The following SLC12A9 variants were observed in gnomAD, a reference collection of about 807,000 sequenced individuals.
SLC12A9 encodes CCC-interacting protein 1.
Under a neutral mutation model 66.0 loss-of-function variants are expected in SLC12A9, and 55 were observed. That is an observed-to-expected ratio of 0.83 (90% CI 0.67 to 1.04). The LOEUF (loss-of-function observed/expected upper bound fraction) is 1.04. Ranked by LOEUF, SLC12A9 falls within the 50% of genes least tolerant of loss-of-function variation. The pLI, the probability that SLC12A9 is intolerant of heterozygous loss-of-function variation, is 0.00. For missense variants in SLC12A9, 1,061 were observed against 1,241.9 expected (o/e 0.85, Z 2.19); for synonymous variants, 577 against 569.0 (o/e 1.01, Z -0.20).
rs369929139 is a variant in SLC12A9 at position 100,865,993 on chromosome 7, G to A, written c.2133G>A (p.Leu711=). 1.2e-6 allele frequency: 2 copies of A among 1,612,618 alleles called. No homozygotes were observed. Among genetic ancestry groups the A allele is most frequent in the African/African-American group, 2.7e-5 (2 of 74,946 alleles). Residue 711 remains leucine (L), a synonymous_variant, in exon 14 of 14, where the codon CTG becomes CTA. Coordinates refer to ENST00000354161, the MANE Select transcript of SLC12A9 (RefSeq NM_020246.4). ...GCGGGGCCTTGCCCCCTGAGCGGCTGAGCCGGGGGTCTGGGGGCACCTCTC... is the reference window on the plus strand; with the variant it reads ...GCGGGGCCTTGCCCCCTGAGCGGCTAAGCCGGGGGTCTGGGGGCACCTCTC... The part of the protein sequence containing the change: ...RASGALPPER[L]SRGSGGTSQL...
At chr7:100,848,512 AAATAAATAAATAAAT>A (rs1437507093), upstream of SLC12A9, among the ~76,000 whole-genome samples, 1 of 150,684 alleles carries the variant, frequency 6.6e-6, no homozygotes, top group Non-Finnish European at 1.5e-5. Context: ...ATAAATAAAT[AAATAAATAAATAAAT>A]AATAAATAAA....
chr7:100,829,425 G>T (rs1345099505), intron 1 of SLC12A9, among the ~76,000 whole-genome samples: 3 of 152,114 alleles, frequency 2.0e-5, no homozygotes, highest in African/African-American at 2.4e-5. Flanking sequence ...ATAACCTCTT[G>T]TCCCGGCTTA....
chr7:100,854,510 G>C (rs926457979), intron 2 of SLC12A9, 110 bp from the exon 3 acceptor site: 7 of 1,595,526 alleles, frequency 4.4e-6, no homozygotes, highest in Non-Finnish European at 6.0e-6. Flanking sequence ...GTTTGGGGAG[G>C]GGCTCTCTGT....
At chr7:100,859,328 A>G in intron 7 of SLC12A9, 167 bp downstream of exon 7, 1 of 645,272 alleles carries the variant, frequency 1.5e-6, no homozygotes, top group Non-Finnish European at 2.7e-6. Context: ...TGGACCCAGT[A>G]CTGTTGCAGG....
At position 100,866,559 on chromosome 7, in the gene SLC12A9, CG is replaced by C; in HGVS notation, c.2700del (p.Leu901CysfsTer23). The C allele has an allele frequency of 6.3e-7, 1 of 1,588,254 alleles. No individual in the cohort carries two copies. The highest frequency in any genetic ancestry group is 1.1e-5 in the South Asian group (1 of 87,146). ...LETLTRDLGP[T>X]LLVHGVTPVT... is the part of the protein sequence containing the mutation. ...ACTCTAACCCGAGACCTGGGCCCCACGCTGCTGGTTCATGGGGTCACTCCAG... is the reference window on the plus strand; with the variant it reads ...ACTCTAACCCGAGACCTGGGCCCCACCTGCTGGTTCATGGGGTCACTCCAG... On this transcript the variant is annotated frameshift_variant, in exon 14 of 14. Transcript: ENST00000354161. LOFTEE classifies it high-confidence loss of function. The surrounding 1 kb of genome is among the most constrained non-coding windows in gnomAD (Gnocchi z 7.3).
intron 1 of SLC12A9, among the ~76,000 whole-genome samples, chr7:100,839,824 C>T (rs1007213926): frequency 6.6e-5 from 10 of 152,030 alleles, no homozygotes; most frequent in African/African-American, 2.2e-4. Flanking sequence ...GGGCGGATGA[C>T]GAGGTCAGGA....
intron 1 of SLC12A9, among the ~76,000 whole-genome samples, chr7:100,829,993 A>T (rs1813511277): frequency 6.6e-6 from 1 of 151,896 alleles, no homozygotes; most frequent in South Asian, 2.1e-4. Flanking sequence ...GCACCACTGC[A>T]CTCCAGCCTG....
intron 9 of SLC12A9, chr7:100,860,563 G>A (rs761675370): frequency 1.3e-5 from 5 of 383,984 alleles, no homozygotes; most frequent in Non-Finnish European, 2.4e-5. Flanking sequence ...CCAGCACTTT[G>A]AGGGATTCAC....
chr7:100,862,599 C>G (rs1814825444), intron 12 of SLC12A9, 82 bp from the exon 13 acceptor site: 2 of 1,544,926 alleles, frequency 1.3e-6, no homozygotes, highest in Non-Finnish European at 1.8e-6. Flanking sequence ...TAGCCCTGCC[C>G]AGGCCCGTCT....
chr7:100,866,757 C>A lies in SLC12A9; in HGVS notation c.*152C>A, dbSNP rs1011181607. ...GTTTGAAGGGGATCCTGGGCTTGGG[C>A]ATCACGCCCACCTCCTTTGGCAGAG... On this transcript the variant is annotated 3_prime_UTR_variant, in exon 14 of 14. Transcript: ENST00000354161. This position sits in a 1 kb window ranked among gnomAD's most constrained non-coding sequence, Gnocchi z 7.3. 2 of 787,184 alleles carry A rather than the reference C, an allele frequency of 2.5e-6. No individual in the cohort carries two copies. Among genetic ancestry groups the A allele is most frequent in the Non-Finnish European group, 3.8e-6 (2 of 529,376 alleles). 48.8% of individuals were successfully genotyped at this position (787,184 alleles called of 1,614,324 possible).
chr7:100,834,015 G>T (rs1813594914), intron 1 of SLC12A9, among the ~76,000 whole-genome samples: 1 of 150,986 alleles, frequency 6.6e-6, no homozygotes, highest in Non-Finnish European at 1.5e-5. Flanking sequence ...TACCTTCCAG[G>T]ATTAGACAAG....
chr7:100,848,615 A>C (rs117450257), upstream of SLC12A9, among the ~76,000 whole-genome samples: 1 of 152,106 alleles, frequency 6.6e-6, no homozygotes, highest in Non-Finnish European at 1.5e-5. Flanking sequence ...GGTTGGGCGC[A>C]GTGGTTCACG....
chr7:100,834,769 G>A lies in SLC12A9; in HGVS notation n.228+7722G>A, dbSNP rs534900123. Among the ~76,000 whole-genome samples the A allele has an allele frequency of 5.9e-5, 9 of 152,138 alleles. No homozygotes were observed. In the South Asian group the frequency reaches 8.3e-4, roughly 14 times the overall value. On this transcript the variant is annotated intron_variant and non_coding_transcript_variant, in intron 1 of 1. Transcript: ENST00000461016. ...ACGCCTGTGGTCCCAGCTGTTCGGG[G>A]GGCTGAGGTGAGAGGATCACCCGAG...
At chr7:100,863,305 A>G (rs575759579) in intron 13 of SLC12A9, among the ~76,000 whole-genome samples, 122 of 151,952 alleles carry the variant, frequency 8.0e-4, no homozygotes, top group African/African-American at 2.9e-3. Flanking sequence ...ACCTCAGGTG[A>G]TCTACCCGCC....
In SLC12A9 at chr7:100,861,987, C is replaced by G; in HGVS notation, c.1711+76C>G. 3 of 1,419,260 alleles carry G rather than the reference C, an allele frequency of 2.1e-6. No individual in the cohort carries two copies. The highest frequency in any genetic ancestry group is 2.8e-6 in the Non-Finnish European group (3 of 1,067,906). 87.9% of individuals were successfully genotyped at this position (1,419,260 alleles called of 1,614,324 possible). A position where few individuals can be genotyped will look rare whatever the true frequency, so the allele number is the denominator to read the frequency against. ...CCTTTTTTTTTTTTTTGAGATGGAG[C>G]TTCGTTCTGTTGCCCAGGCTGGAGT... On this transcript the variant is annotated intron_variant, in intron 12 of 13. Coordinates refer to ENST00000354161, the MANE Select transcript of SLC12A9 (RefSeq NM_020246.4). This position sits in a 1 kb window ranked among gnomAD's most constrained non-coding sequence, Gnocchi z 5.3.
intron 1 of SLC12A9, among the ~76,000 whole-genome samples, chr7:100,830,215 G>A (rs1455770672): frequency 1.3e-5 from 2 of 151,576 alleles, no homozygotes; most frequent in Non-Finnish European, 2.9e-5. Flanking sequence ...AGCCAGGTGT[G>A]GTGGTGCAGG....
intron 1 of SLC12A9, among the ~76,000 whole-genome samples, chr7:100,832,921 G>GTGTGCCACCA (rs1813569931): frequency 6.6e-6 from 1 of 151,830 alleles, no homozygotes; most frequent in Non-Finnish European, 1.5e-5. Flanking sequence ...GACTACAGGC[G>GTGTGCCACCA]TGTGCCACCA....
chr7:100,866,539 A>C lies in SLC12A9; in HGVS notation c.2679A>C (p.Leu893=), dbSNP rs776476854. The C allele has an allele frequency of 2.5e-6, 4 of 1,584,314 alleles. No individual in the cohort carries two copies. In the East Asian group the frequency reaches 9.1e-5, roughly 36 times the overall value. ...YPRYLALLET[L]TRDLGPTLLV... ...GCTACCTGGCGCTACTGGAGACTCTAACCCGAGACCTGGGCCCCACGCTGC... is the reference window on the plus strand; with the variant it reads ...GCTACCTGGCGCTACTGGAGACTCTCACCCGAGACCTGGGCCCCACGCTGC... The change falls in exon 14 of 14, where the codon CTA becomes CTC. Residue 893 remains leucine (L), a synonymous_variant. Coordinates refer to ENST00000354161, the MANE Select transcript of SLC12A9 (RefSeq NM_020246.4). The surrounding 1 kb of genome is among the most constrained non-coding windows in gnomAD (Gnocchi z 7.3).
intron 1 of SLC12A9, among the ~76,000 whole-genome samples, chr7:100,843,200 C>T (rs1219183246): frequency 2.6e-5 from 4 of 152,174 alleles, no homozygotes; most frequent in African/African-American, 9.7e-5. Flanking sequence ...ATTTCATCAA[C>T]CAGAGGGAGA....
Sources: gnomAD v4.1 joint callset for allele counts (sites outside exome capture counted in the v4.1 genomes callset) on GRCh38, gnomAD v4.1.1 for gene constraint, Gnocchi (gnomAD v3.1) non-coding constraint, MANE v1.5 for transcripts, NCBI Gene and HGNC (gene_info 2026-07-23, HGNC 2026-07-21) for gene names.